Variants in TMEM131L observed in about 807,000 individuals in gnomAD.
The protein encoded by TMEM131L is transmembrane protein 131-like.
A neutral mutation model predicts 192.2 loss-of-function variants in TMEM131L; 54 were observed. The observed-to-expected ratio is 0.28, with a 90% CI of 0.23 to 0.35. TMEM131L has a LOEUF of 0.35. Among genes scored for constraint, TMEM131L ranks in the 10% least tolerant of loss-of-function variants. The pLI, the probability that TMEM131L is intolerant of heterozygous loss-of-function variation, is 1.00. For synonymous variants in TMEM131L, 701 were observed against 704.9 expected, an observed-to-expected ratio of 0.99 and a Z score of 0.09; for missense variants, 1,888 against 1,972.9, an observed-to-expected ratio of 0.96 and a Z score of 0.82.
chr4:153,468,833 C>T (rs140254261), intron 2 of TMEM131L, among the ~76,000 whole-genome samples: 26 of 151,866 alleles, frequency 1.7e-4, no homozygotes, highest in Admixed American at 3.9e-4. Context: ...GGTTGAGAAG[C>T]ACTGGTGTAT....
intron 3 of TMEM131L, among the ~76,000 whole-genome samples, chr4:153,529,002 G>A (rs1735701969): frequency 2.0e-5 from 3 of 152,066 alleles, no homozygotes; most frequent in Admixed American, 2.0e-4. Flanking sequence ...GGGATCCAGT[G>A]AGCTGAGGAA....
chr4:153,494,067 C>G (rs1412526005), intron 3 of TMEM131L, among the ~76,000 whole-genome samples: 1 of 151,964 alleles, frequency 6.6e-6, no homozygotes, highest in Non-Finnish European at 1.5e-5. Context: ...TGAATCCTAT[C>G]TCTGTGGCTT....
At chr4:153,619,126 G>C (rs1733208408) in intron 26 of TMEM131L, among the ~76,000 whole-genome samples, 1 of 152,146 alleles carries the variant, frequency 6.6e-6, no homozygotes, top group South Asian at 2.1e-4. Context: ...GTTCCAACCA[G>C]ATGGATTTGA....
intron 3 of TMEM131L, among the ~76,000 whole-genome samples, chr4:153,498,539 G>A (rs1291670239): frequency 6.6e-6 from 1 of 152,142 alleles, no homozygotes; most frequent in Non-Finnish European, 1.5e-5. Flanking sequence ...GCGTGTGGGT[G>A]TGTGTGTATT....
At chr4:153,504,762 A>T (rs28610241) in intron 3 of TMEM131L, among the ~76,000 whole-genome samples, 1 of 152,216 alleles carries the variant, frequency 6.6e-6, no homozygotes, top group East Asian at 1.9e-4. Flanking sequence ...GACTTTTCCC[A>T]TAAACGAATG....
At position 153,583,266 on chromosome 4, in the gene TMEM131L, C is replaced by T; in HGVS notation, c.951+18C>T. On this transcript the variant is annotated intron_variant, in intron 10 of 34. Coordinates refer to ENST00000409959, the MANE Select transcript of TMEM131L (RefSeq NM_001131007.2). ...GGATACAGGTAATTGTAAATGCTTA[C>T]CTAAAGTAACTTTTAAAATTGCAAG... The T allele has an allele frequency of 3.2e-6, 4 of 1,246,218 alleles. No homozygotes were observed. Among genetic ancestry groups the T allele is most frequent in the Non-Finnish European group, 4.7e-6 (4 of 848,564 alleles). 77.2% of individuals were successfully genotyped at this position (1,246,218 alleles called of 1,614,324 possible).
chr4:153,605,003 T>C (rs1274650020), intron 25 of TMEM131L, among the ~76,000 whole-genome samples: 8 of 152,194 alleles, frequency 5.3e-5, no homozygotes, highest in African/African-American at 1.9e-4. Context: ...GAACCTGGCC[T>C]AAATTATTTT....
chr4:153,582,823 G>A (rs1042152948), intron 9 of TMEM131L, among the ~76,000 whole-genome samples: 5 of 152,106 alleles, frequency 3.3e-5, no homozygotes, highest in African/African-American at 1.2e-4. Context: ...TCCAAATGAG[G>A]AAATGAGGAG....
intron 3 of TMEM131L, among the ~76,000 whole-genome samples, chr4:153,546,429 T>C (rs1737180203): frequency 6.6e-6 from 1 of 152,180 alleles, no homozygotes; most frequent in East Asian, 1.9e-4. Flanking sequence ...TGTGAAATGC[T>C]GACTTTCGCA....
chr4:153,466,505 AG>A lies in TMEM131L; in HGVS notation c.112del (p.Ala38LeufsTer61). 1 of 1,400,470 alleles carries A rather than the reference AG, an allele frequency of 7.1e-7. No individual in the cohort carries two copies. Among genetic ancestry groups the A allele is most frequent in the Admixed American group, 2.4e-5 (1 of 41,562 alleles). The allele number at this position is 1,400,470 out of a possible 1,614,324, so 86.8% of individuals were successfully genotyped here. On this transcript the variant is annotated frameshift_variant, in exon 1 of 35. Coordinates refer to ENST00000409959, the MANE Select transcript of TMEM131L (RefSeq NM_001131007.2). LOFTEE classifies it high-confidence loss of function. ...QVLLPCCRPG[G>X]AQGQAIEPLP... ...TCCTGCTGCCCTGCTGTCGCCCGGG[AG>A]GGGCTCAGGGACAAGGTCAGCCTTG...
chr4:153,473,828 A>G lies in TMEM131L; in HGVS notation c.196-17A>G, dbSNP rs564177482. The G allele has an allele frequency of 4.5e-6, 7 of 1,538,922 alleles. No individual in the cohort carries two copies. The highest frequency in any genetic ancestry group is 2.0e-5 in the Admixed American group (1 of 49,050). ...AACAAACAGAAACAACGGTTAACAC[A>G]TGTTCTTTTTCAATAGGGTGATTCT... On this transcript the variant is annotated splice_polypyrimidine_tract_variant and intron_variant, in intron 2 of 34. Transcript: ENST00000409959.
intron 3 of TMEM131L, among the ~76,000 whole-genome samples, chr4:153,503,247 A>G (rs1049445648): frequency 6.6e-6 from 1 of 152,036 alleles, no homozygotes; most frequent in Admixed American, 6.6e-5. Flanking sequence ...TTTTTCCTTT[A>G]TTCATTTTTA....
At chr4:153,635,931 G>A (rs759653117) in intron 34 of TMEM131L, among the ~76,000 whole-genome samples, 4 of 152,246 alleles carry the variant, frequency 2.6e-5, no homozygotes, top group Middle Eastern at 3.4e-3. Context: ...CGAGATGAAA[G>A]TCCCAGGAAG....
intron 5 of TMEM131L, 31 bp from the exon 6 acceptor site, chr4:153,556,935 C>T (rs780514556): frequency 6.7e-6 from 7 of 1,052,162 alleles, no homozygotes; most frequent in Non-Finnish European, 1.0e-5. Context: ...GGAGGCCATT[C>T]CAAGTGGCTG....
intron 25 of TMEM131L, among the ~76,000 whole-genome samples, chr4:153,605,223 T>A (rs1732138128): frequency 6.6e-6 from 1 of 152,218 alleles, no homozygotes; most frequent in Admixed American, 6.5e-5. Flanking sequence ...CAAAGTAGAC[T>A]AGGAGGATGA....
chr4:153,546,819 C>T (rs1737212673), intron 3 of TMEM131L, among the ~76,000 whole-genome samples: 2 of 152,234 alleles, frequency 1.3e-5, no homozygotes, highest in South Asian at 4.1e-4. Flanking sequence ...CCCAGCTACT[C>T]GTGGGGCTGA....
rs562087878 is a variant in TMEM131L, at chr4:153,466,657, A to G, written c.124+136A>G. On this transcript the variant is annotated intron_variant, in intron 1 of 34. Transcript: ENST00000409959. ...AGGAGGAGGAAGGAAAGCTGTTGCG[A>G]TTCTCCGCTGATAACATTTTCTGAC... The G allele has an allele frequency of 6.0e-3, 5,152 of 858,976 alleles. 205 individuals are homozygous for G. The African/African-American group carries it at 0.082, about 14-fold the overall frequency. 53.2% of individuals were successfully genotyped at this position (858,976 alleles called of 1,614,324 possible).
intron 3 of TMEM131L, among the ~76,000 whole-genome samples, chr4:153,532,762 G>A (rs1031702463): frequency 6.6e-6 from 1 of 151,766 alleles, no homozygotes; most frequent in Non-Finnish European, 1.5e-5. Flanking sequence ...GTTTCTTAAC[G>A]TTCCAAAGGT....
intron 2 of TMEM131L, among the ~76,000 whole-genome samples, chr4:153,470,650 T>A (rs953383977): frequency 1.3e-5 from 2 of 152,258 alleles, no homozygotes; most frequent in Admixed American, 6.5e-5. Context: ...TTTCATTAGC[T>A]TATTTTCAAG....
Sources: allele counts gnomAD v4.1 joint callset (sites outside exome capture counted in the v4.1 genomes callset), GRCh38; gene constraint gnomAD v4.1.1; transcripts MANE v1.5; gene names NCBI Gene and HGNC (gene_info 2026-07-23, HGNC 2026-07-21).